Variants in PHF21A observed in about 807,000 individuals in gnomAD.
PHF21A encodes the protein PHD finger protein 21A.
A neutral mutation model predicts 82.5 loss-of-function variants in PHF21A; 11 were observed. That is an observed-to-expected ratio of 0.13 (90% CI 0.08 to 0.22). The LOEUF is 0.22. PHF21A is among the 10% of genes least tolerant of loss of function. PHF21A has a pLI of 1.00. For synonymous variants in PHF21A, 297 were observed against 302.8 expected (o/e 0.98, Z 0.20); for missense variants, 579 against 837.8 (o/e 0.69, Z 3.81).
intron 6 of PHF21A, among the ~76,000 whole-genome samples, chr11:46,064,735 TCAA>T (rs1222868674): frequency 6.6e-6 from 1 of 152,132 alleles, no homozygotes; most frequent in East Asian, 1.9e-4. Context: ...CATATTAATA[TCAA>T]CAACGATAAT....
At chr11:45,935,147 G>A (rs757882610) in intron 18 of PHF21A, 188 of 1,289,234 alleles carry the variant, frequency 1.5e-4, no homozygotes, top group Middle Eastern at 4.2e-4. Flanking sequence ...TAGAAAGCCC[G>A]CTTCCTCACA....
At chr11:45,988,359 G>C (rs1327455503) in intron 6 of PHF21A, among the ~76,000 whole-genome samples, 1 of 152,062 alleles carries the variant, frequency 6.6e-6, no homozygotes, top group Non-Finnish European at 1.5e-5. Context: ...AATAATATTA[G>C]AAAAATATAT....
intron 6 of PHF21A, among the ~76,000 whole-genome samples, chr11:46,025,769 A>C (rs1033619003): frequency 2.2e-4 from 34 of 152,144 alleles, no homozygotes; most frequent in Admixed American, 2.2e-3. Flanking sequence ...TTTTCTCTGG[A>C]ATTATTTGCA....
intron 15 of PHF21A, among the ~76,000 whole-genome samples, chr11:45,939,285 G>C (rs2089868745): frequency 6.6e-6 from 1 of 152,112 alleles, no homozygotes; most frequent in Non-Finnish European, 1.5e-5. Flanking sequence ...ATTCATCAAA[G>C]TGTTTCACAA....
Position 45,979,803 on chromosome 11 carries a change from G to A in PHF21A, c.317C>T (p.Ala106Val), listed in dbSNP as rs778057230. ...GGGAGAGGCTGCAGCTGACTGCTGG[G>A]CGTGGTGGTGGTGGTACTGCTGCTG... ...QQQQQYHHHH[A>V]QQSAAASPNL... is the part of the protein sequence containing the mutation. Residue 106 changes from alanine to valine, a missense_variant, in exon 7 of 19, where the codon GCC becomes GTC. By Grantham distance (64) the Ala-to-Val change is moderately conservative. Transcript: ENST00000676320. 2 of 1,614,100 alleles carry A rather than the reference G, an allele frequency of 1.2e-6. No individual in the cohort carries two copies. Among genetic ancestry groups the A allele is most frequent in the South Asian group, 1.1e-5 (1 of 91,084 alleles).
Position 45,930,846 on chromosome 11 carries a change from G to A in PHF21A, c.*3122C>T. On this transcript the variant is annotated 3_prime_UTR_variant, in exon 19 of 19. Coordinates refer to ENST00000676320, the MANE Select transcript of PHF21A (RefSeq NM_001352027.3). ...GAGCAGCGGAGGGAAGGAGGAGGAAGCAAGTGGAGGTGGCTGGGGTGGGGC... is the reference window on the plus strand; with the variant it reads ...GAGCAGCGGAGGGAAGGAGGAGGAAACAAGTGGAGGTGGCTGGGGTGGGGC... 2 of 152,460 alleles carry A rather than the reference G, an allele frequency of 1.3e-5. No individual in the cohort carries two copies. Among genetic ancestry groups the A allele is most frequent in the East Asian group, 1.9e-4 (1 of 5,168 alleles). 9.4% of individuals were successfully genotyped at this position (152,460 alleles called of 1,614,324 possible). A position where few individuals can be genotyped will look rare whatever the true frequency, so the allele number is the denominator to read the frequency against.
At chr11:46,116,057 C>A (rs756189644) in intron 1 of PHF21A, among the ~76,000 whole-genome samples, 8 of 152,112 alleles carry the variant, frequency 5.3e-5, no homozygotes, top group Admixed American at 1.3e-4. Flanking sequence ...AGATACTATA[C>A]CTTTTGATAG....
chr11:46,046,093 T>C (rs146396740), intron 6 of PHF21A, among the ~76,000 whole-genome samples: 6 of 152,346 alleles, frequency 3.9e-5, no homozygotes, highest in South Asian at 2.1e-4. Context: ...CCAAACTTAT[T>C]TGAAAGCTGA....
intron 1 of PHF21A, among the ~76,000 whole-genome samples, chr11:46,112,362 A>ACTG (rs1316740076): frequency 1.3e-5 from 2 of 152,192 alleles, no homozygotes; most frequent in Admixed American, 6.5e-5. Context: ...AACTACTACT[A>ACTG]CTGCTGCTGC....
chr11:45,934,217 C>T lies in PHF21A; in HGVS notation c.1797G>A (p.Met599Ile). The T allele has an allele frequency of 1.2e-6, 2 of 1,612,564 alleles. No homozygotes were observed. The highest frequency in any genetic ancestry group is 8.5e-7 in the Non-Finnish European group (1 of 1,179,832). Reference protein sequence around the residue: ...KQLSNSISKCMEMKNTILARQ... With the variant: ...KQLSNSISKCIEMKNTILARQ... Reference sequence around the variant, plus strand: ...GGGCCAGGATGGTGTTCTTCATTTCCATGCATTTCTGCAGCAAATGACAAG... The same window carrying T: ...GGGCCAGGATGGTGTTCTTCATTTCTATGCATTTCTGCAGCAAATGACAAG... The change falls in exon 19 of 19, where the codon ATG (methionine) becomes ATA (isoleucine). Residue 599 changes from methionine (M) to isoleucine (I), a missense_variant. By Grantham distance (10) the Met-to-Ile change is conservative. This residue lies in a region of PHF21A where 157 missense variants were observed against 149.4 expected (regional missense o/e 1.05). Coordinates refer to ENST00000676320, the MANE Select transcript of PHF21A (RefSeq NM_001352027.3).
chr11:46,106,395 A>T (rs1321381885), intron 1 of PHF21A, among the ~76,000 whole-genome samples: 1 of 152,246 alleles, frequency 6.6e-6, no homozygotes, highest in Non-Finnish European at 1.5e-5. Flanking sequence ...TAAAGAAAAT[A>T]AACAGCACAA....
At chr11:45,984,167 G>T (rs1303977265) in intron 6 of PHF21A, among the ~76,000 whole-genome samples, 1 of 152,034 alleles carries the variant, frequency 6.6e-6, no homozygotes, top group East Asian at 1.9e-4. Flanking sequence ...AAAAATCAGG[G>T]AAATGAAAAA....
chr11:45,997,259 C>T (rs1274172227), intron 6 of PHF21A, among the ~76,000 whole-genome samples: 1 of 152,144 alleles, frequency 6.6e-6, no homozygotes, highest in Non-Finnish European at 1.5e-5. Flanking sequence ...AATACCATTA[C>T]AAACTTACAT....
intron 12 of PHF21A, 97 bp from the exon 13 acceptor site, chr11:45,949,578 A>C (rs2091831817): frequency 3.0e-6 from 3 of 1,013,336 alleles, no homozygotes; most frequent in Non-Finnish European, 4.7e-6. Context: ...ATAAGAAATC[A>C]GAATCAGGGA....
At chr11:46,061,506 A>T (rs1592665587) in intron 6 of PHF21A, among the ~76,000 whole-genome samples, 1 of 152,202 alleles carries the variant, frequency 6.6e-6, no homozygotes, top group Non-Finnish European at 1.5e-5. Flanking sequence ...ACATTTTGCT[A>T]TTCCTGGAAC....
chr11:46,103,757 CAT>C (rs1475335456), intron 1 of PHF21A, among the ~76,000 whole-genome samples: 1 of 152,128 alleles, frequency 6.6e-6, no homozygotes, highest in African/African-American at 2.4e-5. Context: ...CAGAAAAAAA[CAT>C]ATCAAGGATC....
chr11:45,953,420 T>C, intron 11 of PHF21A, 107 bp downstream of exon 11: 1 of 721,626 alleles, frequency 1.4e-6, no homozygotes, highest in Non-Finnish European at 2.5e-6. Flanking sequence ...CATAAGAAAA[T>C]GAACATCGAG....
At chr11:46,002,875 C>T (rs1405537475) in intron 6 of PHF21A, among the ~76,000 whole-genome samples, 1 of 151,970 alleles carries the variant, frequency 6.6e-6, no homozygotes, top group Non-Finnish European at 1.5e-5. Flanking sequence ...CAAAAAAACA[C>T]CCAATGTATT....
At chr11:45,996,288 C>G (rs2094906059) in intron 6 of PHF21A, among the ~76,000 whole-genome samples, 1 of 152,176 alleles carries the variant, frequency 6.6e-6, no homozygotes, top group East Asian at 1.9e-4. Context: ...ATCTAGTACT[C>G]AAGGTAGTAA....
Sources: allele counts gnomAD v4.1 joint callset (sites outside exome capture counted in the v4.1 genomes callset), GRCh38; gene constraint gnomAD v4.1.1; regional missense constraint gnomAD v4.1.1; transcripts MANE v1.5; gene names NCBI Gene and HGNC (gene_info 2026-07-23, HGNC 2026-07-21).